PDE4D: variants seen among roughly 807,000 people sequenced by gnomAD.
PDE4D encodes the protein phosphodiesterase 4D, also known as 3',5'-cyclic-AMP phosphodiesterase 4D.
PDE4D carries 24 observed loss-of-function variants against 87.4 expected under a neutral mutation model. The observed-to-expected ratio is 0.27, with a 90% confidence interval of 0.20 to 0.39. PDE4D has a LOEUF of 0.39. Among genes scored for constraint, PDE4D ranks in the 10% least tolerant of loss-of-function variants. The pLI, the probability that PDE4D is intolerant of heterozygous loss-of-function variation, is 1.00. For synonymous variants in PDE4D, 384 were observed against 383.2 expected, an observed-to-expected ratio of 1.00 and a Z score of -0.02; for missense variants, 714 against 1,041.0, an observed-to-expected ratio of 0.69 and a Z score of 4.32.
intron 1 of PDE4D, among the ~76,000 whole-genome samples, chr5:59,777,920 A>C (rs773525586): frequency 3.3e-5 from 5 of 152,244 alleles, no homozygotes; most frequent in Admixed American, 6.5e-5. Flanking sequence ...AAAAAAAAGA[A>C]GTTGAAATAA....
chr5:60,428,112 A>C (rs1284211120), intron 1 of PDE4D, among the ~76,000 whole-genome samples: 1 of 152,136 alleles, frequency 6.6e-6, no homozygotes, highest in Non-Finnish European at 1.5e-5. Flanking sequence ...AGGATGACTA[A>C]ATTGAAATAA....
At chr5:60,377,663 G>A (rs1761533714) in intron 1 of PDE4D, among the ~76,000 whole-genome samples, 2 of 152,120 alleles carry the variant, frequency 1.3e-5, no homozygotes, top group African/African-American at 4.8e-5. Flanking sequence ...AATGATCCCA[G>A]AGGTAACTGA....
chr5:59,570,644 T>C (rs1373477628), intron 1 of PDE4D, among the ~76,000 whole-genome samples: 1 of 65,398 alleles, frequency 1.5e-5, no homozygotes, highest in Admixed American at 1.5e-4. Context: ...TTGACAAATA[T>C]GCAAAAAAAA....
intron 3 of PDE4D, among the ~76,000 whole-genome samples, chr5:59,189,361 C>T (rs569490419): frequency 1.5e-3 from 224 of 150,336 alleles, no homozygotes; most frequent in African/African-American, 5.3e-3. Context: ...GTTATTCTCC[C>T]GCCTCTGTAT....
intron 2 of PDE4D, among the ~76,000 whole-genome samples, chr5:60,131,036 C>T (rs76228921): frequency 0.016 from 2,486 of 152,212 alleles, 36 homozygotes; most frequent in Non-Finnish European, 0.026. Flanking sequence ...AATTAGTAGG[C>T]CACTCAGAGA....
At chr5:60,029,527 A>G (rs993291477) in intron 2 of PDE4D, among the ~76,000 whole-genome samples, 1 of 152,144 alleles carries the variant, frequency 6.6e-6, no homozygotes, top group Admixed American at 6.5e-5. Flanking sequence ...ATGTCTCTCT[A>G]AAATGTATAA....
chr5:60,004,766 A>G (rs1270994491), intron 2 of PDE4D, among the ~76,000 whole-genome samples: 1 of 152,168 alleles, frequency 6.6e-6, no homozygotes, highest in Non-Finnish European at 1.5e-5. Context: ...CAAAACCACA[A>G]TGCGGTATCT....
At chr5:59,762,882 T>G (rs1209456965) in intron 1 of PDE4D, among the ~76,000 whole-genome samples, 13 of 137,232 alleles carry the variant, frequency 9.5e-5, no homozygotes, top group African/African-American at 3.5e-4. Context: ...TATATATATA[T>G]ATATATATAT....
chr5:59,129,679 C>T (rs1775992926), intron 5 of PDE4D, among the ~76,000 whole-genome samples: 1 of 152,164 alleles, frequency 6.6e-6, no homozygotes, highest in African/African-American at 2.4e-5. Context: ...GTAACTGCTT[C>T]TATAAATCAC....
intron 5 of PDE4D, among the ~76,000 whole-genome samples, chr5:59,072,898 T>G (rs1765081767): frequency 6.6e-6 from 1 of 152,216 alleles, no homozygotes; most frequent in African/African-American, 2.4e-5. Context: ...TGACCGATTC[T>G]GAAGCCTGCT....
intron 1 of PDE4D, among the ~76,000 whole-genome samples, chr5:59,225,287 C>T (rs916403630): frequency 2.0e-5 from 3 of 152,170 alleles, no homozygotes; most frequent in African/African-American, 7.2e-5. Flanking sequence ...ATATTCTGGA[C>T]ATCCTTGTCA....
At chr5:60,010,818 C>T (rs1764952900) in intron 2 of PDE4D, among the ~76,000 whole-genome samples, 1 of 151,992 alleles carries the variant, frequency 6.6e-6, no homozygotes, top group Non-Finnish European at 1.5e-5. Flanking sequence ...ATTTTTTAAA[C>T]CTTTGTAGTA....
intron 2 of PDE4D, among the ~76,000 whole-genome samples, chr5:60,131,097 T>C (rs1779528198): frequency 6.6e-6 from 1 of 152,198 alleles, no homozygotes; most frequent in African/African-American, 2.4e-5. Flanking sequence ...AAAACCTCAT[T>C]CACACTCTCT....
intron 1 of PDE4D, among the ~76,000 whole-genome samples, chr5:59,281,341 G>T (rs1159205448): frequency 6.6e-6 from 1 of 151,854 alleles, no homozygotes; most frequent in Admixed American, 6.6e-5. Context: ...TCTGTTTTTT[G>T]TACTAATTAT....
At chr5:60,190,661 C>T (rs117089892) in intron 1 of PDE4D, among the ~76,000 whole-genome samples, 1 of 152,320 alleles carries the variant, frequency 6.6e-6, no homozygotes, top group East Asian at 1.9e-4. Flanking sequence ...TGAGAGGACC[C>T]TGTATTCCAT....
intron 1 of PDE4D, among the ~76,000 whole-genome samples, chr5:59,489,884 G>A (rs577100796): frequency 4.9e-4 from 74 of 152,120 alleles, no homozygotes; most frequent in African/African-American, 1.7e-3. Flanking sequence ...TCTCCATGCC[G>A]TTGTTTTCTT....
chr5:60,264,472 G>A (rs773227000), intron 1 of PDE4D, among the ~76,000 whole-genome samples: 4 of 152,162 alleles, frequency 2.6e-5, no homozygotes, highest in African/African-American at 4.8e-5. Flanking sequence ...ATTGTTGCTG[G>A]TAACAGCCAT....
At chr5:59,698,721 T>C (rs1021409383) in intron 1 of PDE4D, among the ~76,000 whole-genome samples, 5 of 152,176 alleles carry the variant, frequency 3.3e-5, no homozygotes, top group African/African-American at 9.7e-5. Context: ...TAATTACATA[T>C]GCAGCTCTCT....
intron 2 of PDE4D, among the ~76,000 whole-genome samples, chr5:59,214,049 C>T (rs1420223821): frequency 5.5e-5 from 8 of 145,188 alleles, no homozygotes; most frequent in African/African-American, 2.0e-4. Context: ...CACACACACA[C>T]ACACACACAC....
Sources: gnomAD v4.1 joint callset for allele counts (sites outside exome capture counted in the v4.1 genomes callset) on GRCh38, gnomAD v4.1.1 for gene constraint, MANE v1.5 for transcripts, NCBI Gene and HGNC (gene_info 2026-07-23, HGNC 2026-07-21) for gene names.